Variants in SMARCC1 observed in about 807,000 individuals in gnomAD.
SMARCC1 encodes the protein SWI/SNF related BAF chromatin remodeling complex subunit C1.
SMARCC1 carries 43 observed loss-of-function variants against 147.4 expected under a neutral mutation model. The ratio of observed to expected loss-of-function variants is 0.29; its 90% CI spans 0.23 to 0.38. The LOEUF is 0.38. Among genes scored for constraint, SMARCC1 ranks in the 10% least tolerant of loss-of-function variants. The pLI, the probability that SMARCC1 is intolerant of heterozygous loss-of-function variation, is 1.00. For synonymous variants in SMARCC1, 495 were observed against 484.4 expected (o/e 1.02, Z -0.29); for missense variants, 1,119 against 1,381.1 (o/e 0.81, Z 3.01).
intron 7 of SMARCC1, among the ~76,000 whole-genome samples, chr3:47,717,317 A>G (rs1296356276): frequency 1.3e-5 from 2 of 152,220 alleles, no homozygotes; most frequent in Non-Finnish European, 2.9e-5. Flanking sequence ...CAAATAAACC[A>G]TAGTGCTGCC....
chr3:47,751,144 C>T (rs1185779102), intron 2 of SMARCC1, among the ~76,000 whole-genome samples: 10 of 151,970 alleles, frequency 6.6e-5, no homozygotes, highest in Admixed American at 6.6e-4. Context: ...GTGATCCGCC[C>T]GCCTCAGCCT....
intron 21 of SMARCC1, among the ~76,000 whole-genome samples, chr3:47,649,343 T>C (rs1311914062): frequency 6.6e-6 from 1 of 152,264 alleles, no homozygotes; most frequent in Non-Finnish European, 1.5e-5. Context: ...GCGAGAATTC[T>C]AACAGTCATT....
At chr3:47,714,366 A>G (rs1207721372) in intron 8 of SMARCC1, 49 bp downstream of exon 8, 11 of 1,195,564 alleles carry the variant, frequency 9.2e-6, no homozygotes, top group Non-Finnish European at 1.2e-5. Flanking sequence ...CCATCTCAAA[A>G]AAAATTTTAA....
At chr3:47,768,485 G>C (rs1386205147) in intron 2 of SMARCC1, among the ~76,000 whole-genome samples, 2 of 152,040 alleles carry the variant, frequency 1.3e-5, no homozygotes, top group Non-Finnish European at 2.9e-5. Flanking sequence ...CACCATTTTT[G>C]AAAAGATTCA....
chr3:47,760,327 G>A (rs1243631247), intron 2 of SMARCC1, among the ~76,000 whole-genome samples: 1 of 151,326 alleles, frequency 6.6e-6, no homozygotes, highest in Non-Finnish European at 1.5e-5. Context: ...TTAAAAAAAA[G>A]AAATTTTTAC....
chr3:47,747,580 G>A (rs2034580481), intron 2 of SMARCC1, among the ~76,000 whole-genome samples: 1 of 150,660 alleles, frequency 6.6e-6, no homozygotes, highest in Admixed American at 6.7e-5. Context: ...AAGCTGTAGT[G>A]AACTGTGATG....
chr3:47,704,787 C>A (rs182933763), intron 10 of SMARCC1, among the ~76,000 whole-genome samples: 2 of 151,724 alleles, frequency 1.3e-5, no homozygotes, highest in Admixed American at 6.6e-5. Context: ...TGGGGTATTG[C>A]GCACCTGTAG....
At chr3:47,758,073 G>C (rs1170550828) in intron 2 of SMARCC1, among the ~76,000 whole-genome samples, 1 of 152,054 alleles carries the variant, frequency 6.6e-6, no homozygotes. Flanking sequence ...AAAAATTGTG[G>C]TGTATTCCCA....
chr3:47,725,527 C>T (rs1303128391), intron 6 of SMARCC1, among the ~76,000 whole-genome samples: 3 of 151,816 alleles, frequency 2.0e-5, no homozygotes, highest in East Asian at 1.9e-4. Context: ...CTTGGCTCAC[C>T]GCAACCTCCG....
intron 26 of SMARCC1, among the ~76,000 whole-genome samples, chr3:47,607,150 G>A (rs911942447): frequency 2.0e-5 from 3 of 152,164 alleles, no homozygotes; most frequent in African/African-American, 7.2e-5. Context: ...ATCCACTCAA[G>A]TAGACAGAAA....
At chr3:47,714,800 A>T (rs2034135811) in intron 7 of SMARCC1, among the ~76,000 whole-genome samples, 1 of 152,124 alleles carries the variant, frequency 6.6e-6, no homozygotes. Flanking sequence ...TCTCGAAACA[A>T]AACAAAACAA....
chr3:47,586,403 G>A lies in SMARCC1; in HGVS notation c.*1806C>T. ...GGGTCTTTCTGGAGCCAAATGCATT[G>A]GAACTAAGCTCCAGTAGGAATAAAC... On this transcript the variant is annotated 3_prime_UTR_variant, in exon 28 of 28. Transcript: ENST00000254480. The A allele has an allele frequency of 6.6e-6, 1 of 152,226 alleles. No homozygotes were observed. The allele number at this position is 152,226 out of a possible 1,614,324, so 9.4% of individuals were successfully genotyped here.
At chr3:47,702,499 T>C (rs1232074868) in intron 10 of SMARCC1, among the ~76,000 whole-genome samples, 2 of 152,202 alleles carry the variant, frequency 1.3e-5, no homozygotes, top group Admixed American at 6.5e-5. Context: ...CTCATGCCTG[T>C]AATCCCAGAA....
chr3:47,678,292 A>C lies in SMARCC1; in HGVS notation c.1477T>G (p.Phe493Val). 1 of 1,589,274 alleles carries C rather than the reference A, an allele frequency of 6.3e-7. No individual in the cohort carries two copies. Among genetic ancestry groups the C allele is most frequent in the Non-Finnish European group, 8.6e-7 (1 of 1,167,262 alleles). The part of the protein sequence containing the change: ...TPEIYLAYRN[F>V]MIDTYRLNPQ... ...TTTAGACGATACGTGTCAATCATAA[A>C]ATTTCGATATGCCAAGTATCTAAAA... The change falls in exon 16 of 28, where the codon TTT (phenylalanine) becomes GTT (valine). Residue 493 changes from phenylalanine (F) to valine (V), a missense_variant. This residue lies in a region of SMARCC1 where 14 missense variants were observed against 40.3 expected (regional missense o/e 0.35). Coordinates refer to ENST00000254480, the MANE Select transcript of SMARCC1 (RefSeq NM_003074.4).
In SMARCC1 at chr3:47,636,131, T is replaced by C; in HGVS notation, c.2382A>G (p.Glu794=). Residue 794 remains glutamate (E), a synonymous_variant, in exon 23 of 28, where the codon GAA becomes GAG. Transcript: ENST00000254480. ...CATCCGTTTCATTTTCCACTTTATTTTCTGCCTGAAAGGGATATAAAACAA... is the reference window on the plus strand; with the variant it reads ...CATCCGTTTCATTTTCCACTTTATTCTCTGCCTGAAAGGGATATAAAACAA... ...DPDGQQPEKA[E]NKVENETDEG... 2 of 1,585,572 alleles carry C rather than the reference T, an allele frequency of 1.3e-6. No individual in the cohort carries two copies. Among genetic ancestry groups the C allele is most frequent in the South Asian group, 1.1e-5 (1 of 89,832 alleles).
At chr3:47,673,225 A>G (rs1022798686) in intron 18 of SMARCC1, among the ~76,000 whole-genome samples, 1 of 151,946 alleles carries the variant, frequency 6.6e-6, no homozygotes, top group Non-Finnish European at 1.5e-5. Context: ...CTCTTTAAAA[A>G]AATAAAAATA....
intron 16 of SMARCC1, among the ~76,000 whole-genome samples, chr3:47,677,077 T>C (rs563001657): frequency 9.2e-5 from 14 of 152,142 alleles, no homozygotes; most frequent in South Asian, 4.2e-4. Flanking sequence ...AACTCACACA[T>C]AGACCAAATA....
intron 1 of SMARCC1, among the ~76,000 whole-genome samples, chr3:47,779,057 T>C (rs1369514430): frequency 6.6e-6 from 1 of 151,174 alleles, no homozygotes; most frequent in Non-Finnish European, 1.5e-5. Context: ...AAATAATATC[T>C]ATCATTTAGG....
intron 24 of SMARCC1, among the ~76,000 whole-genome samples, chr3:47,622,891 A>T (rs928134000): frequency 2.0e-5 from 3 of 152,120 alleles, no homozygotes; most frequent in African/African-American, 7.2e-5. Context: ...ACAGAAAGGT[A>T]CTCTGGAAGA....
Sources: gnomAD v4.1 joint callset for allele counts (sites outside exome capture counted in the v4.1 genomes callset) on GRCh38, gnomAD v4.1.1 for gene constraint, gnomAD v4.1.1 regional missense constraint, MANE v1.5 for transcripts, NCBI Gene and HGNC (gene_info 2026-07-23, HGNC 2026-07-21) for gene names.